L3MBTL2: variants seen among roughly 807,000 people sequenced by gnomAD.
The protein encoded by L3MBTL2 is L3MBTL histone methyl-lysine binding protein 2, also known as lethal(3)malignant brain tumor-like protein 2.
In L3MBTL2, 49 loss-of-function variants were observed where a neutral mutation model predicts 86.4. The observed-to-expected ratio is 0.57, with a 90% confidence interval of 0.45 to 0.72. L3MBTL2 has a LOEUF of 0.72. L3MBTL2 is among the 30% of genes least tolerant of loss of function. The probability of loss-of-function intolerance (pLI) is 0.00; values close to 1 mark genes in which losing one functional copy is unlikely to be tolerated. For synonymous variants in L3MBTL2, 336 were observed against 350.6 expected (o/e 0.96, Z 0.47); for missense variants, 755 against 923.7 (o/e 0.82, Z 2.37).
chr22:41,225,788 C>T lies in L3MBTL2; in HGVS notation c.1357-6C>T. On this transcript the variant is annotated splice_polypyrimidine_tract_variant and splice_region_variant and intron_variant, in intron 11 of 16. Coordinates refer to ENST00000216237, the MANE Select transcript of L3MBTL2 (RefSeq NM_031488.5). This position sits in a 1 kb window ranked among gnomAD's most constrained non-coding sequence, Gnocchi z 4.1. Reference sequence around the variant, plus strand: ...GATCTGTCTGCCTGCTCCCCCCACCCCCCAGGTTCTCCTGGATGGATACCT... The same window carrying T: ...GATCTGTCTGCCTGCTCCCCCCACCTCCCAGGTTCTCCTGGATGGATACCT... The T allele has an allele frequency of 1.2e-6, 2 of 1,606,378 alleles. No individual in the cohort carries two copies. The highest frequency in any genetic ancestry group is 1.7e-6 in the Non-Finnish European group (2 of 1,174,124).
At chr22:41,212,565 C>T (rs989509041) in intron 2 of L3MBTL2, among the ~76,000 whole-genome samples, 1 of 151,854 alleles carries the variant, frequency 6.6e-6, no homozygotes, top group African/African-American at 2.4e-5. Flanking sequence ...GCCCGGCCAT[C>T]TCAGGCATTT....
chr22:41,224,573 G>A lies in L3MBTL2; in HGVS notation c.1175-152G>A. 1 of 639,320 alleles carries A rather than the reference G, an allele frequency of 1.6e-6. No homozygotes were observed. Among genetic ancestry groups the A allele is most frequent in the Non-Finnish European group, 2.8e-6 (1 of 356,656 alleles). 39.6% of individuals were successfully genotyped at this position (639,320 alleles called of 1,614,324 possible). A position where few individuals can be genotyped will look rare whatever the true frequency, so the allele number is the denominator to read the frequency against. On this transcript the variant is annotated intron_variant, in intron 9 of 16. Transcript: ENST00000216237. This position sits in a 1 kb window ranked among gnomAD's most constrained non-coding sequence, Gnocchi z 4.9. ...TTTTCTGGACTCAACCTTTCTGTCT[G>A]CTACTCTGGGGTGGGGGGTCCTGAG... is the stretch of plus-strand genomic sequence containing the variant.
chr22:41,228,718 CAG>C (rs2032364729), intron 15 of L3MBTL2, among the ~76,000 whole-genome samples: 1 of 152,054 alleles, frequency 6.6e-6, no homozygotes. Flanking sequence ...GGTGTGGTGG[CAG>C]GCGCCTGTAA....
At chr22:41,210,002 T>C in intron 2 of L3MBTL2, 69 bp downstream of exon 2, 2 of 1,574,584 alleles carry the variant, frequency 1.3e-6, no homozygotes, top group East Asian at 4.5e-5. Context: ...GGGGTGGATA[T>C]AGGCTATATG....
intron 8 of L3MBTL2, among the ~76,000 whole-genome samples, chr22:41,223,397 C>T (rs942321732): frequency 6.6e-6 from 1 of 152,236 alleles, no homozygotes; most frequent in African/African-American, 2.4e-5. Context: ...CCATGGCTCT[C>T]TGTAGAGCAG....
intron 8 of L3MBTL2, among the ~76,000 whole-genome samples, chr22:41,223,159 AGGACCCCTG>A (rs1345671995): frequency 6.6e-6 from 1 of 152,168 alleles, no homozygotes; most frequent in East Asian, 1.9e-4. Flanking sequence ...TGTCTGGTTT[AGGACCCCTG>A]TGTCAGCTTT....
In L3MBTL2 at chr22:41,217,241, C is replaced by T. The variant is rs774340377; in HGVS notation, c.600+39C>T. 28 of 1,531,838 alleles carry T rather than the reference C, an allele frequency of 1.8e-5. No individual in the cohort carries two copies. The Admixed American group carries it at 2.3e-4, about 13-fold the overall frequency. The allele number at this position is 1,531,838 out of a possible 1,614,324, so 94.9% of individuals were successfully genotyped here. A position where few individuals can be genotyped will look rare whatever the true frequency, so the allele number is the denominator to read the frequency against. The stretch of plus-strand genomic sequence containing the variant: ...AGCTGAGGGAGGGAGGCCGGGGAGC[C>T]GGGCCTGGAGCTGCTCCTCCACCTG... On this transcript the variant is annotated intron_variant, in intron 5 of 16. Coordinates refer to ENST00000216237, the MANE Select transcript of L3MBTL2 (RefSeq NM_031488.5).
intron 4 of L3MBTL2, 183 bp from the exon 5 acceptor site, chr22:41,216,940 T>C: frequency 3.5e-6 from 2 of 571,116 alleles, no homozygotes; most frequent in Non-Finnish European, 3.1e-6. Flanking sequence ...TCAACAGTGG[T>C]CCCTCATGGC....
At chr22:41,216,066 C>A in intron 3 of L3MBTL2, 73 bp from the exon 4 acceptor site, 1 of 1,517,694 alleles carries the variant, frequency 6.6e-7, no homozygotes, top group South Asian at 1.2e-5. Flanking sequence ...CCCAGGACTT[C>A]AACTTGGCGG....
chr22:41,216,615 G>T (rs1276389431), intron 4 of L3MBTL2, among the ~76,000 whole-genome samples: 1 of 152,202 alleles, frequency 6.6e-6, no homozygotes, highest in East Asian at 1.9e-4. Context: ...GGTGGGATAA[G>T]GAAAGGAGCC....
In L3MBTL2 at chr22:41,227,449, G is replaced by A; in HGVS notation, c.1822+126G>A. The A allele has an allele frequency of 1.7e-6, 2 of 1,202,786 alleles. No individual in the cohort carries two copies. 74.5% of individuals were successfully genotyped at this position (1,202,786 alleles called of 1,614,324 possible). A position where few individuals can be genotyped will look rare whatever the true frequency, so the allele number is the denominator to read the frequency against. ...GGAGATGTCTCATGGACCACTTTAAGTAGAGAGTGAGCCCCGTCACCCAGC... is the reference window on the plus strand; with the variant it reads ...GGAGATGTCTCATGGACCACTTTAAATAGAGAGTGAGCCCCGTCACCCAGC... On this transcript the variant is annotated intron_variant, in intron 14 of 16. Transcript: ENST00000216237. This position sits in a 1 kb window ranked among gnomAD's most constrained non-coding sequence, Gnocchi z 6.0.
At chr22:41,220,939 G>A in intron 7 of L3MBTL2, 71 bp downstream of exon 7, 3 of 1,528,306 alleles carry the variant, frequency 2.0e-6, no homozygotes, top group Non-Finnish European at 2.7e-6. Flanking sequence ...CTCTGCTTGT[G>A]TTAGGTAGAA....
At chr22:41,206,780 C>T (rs550914458) in intron 1 of L3MBTL2, among the ~76,000 whole-genome samples, 2 of 151,388 alleles carry the variant, frequency 1.3e-5, no homozygotes, top group African/African-American at 4.9e-5. Context: ...GCACTCCAGC[C>T]TGGACGACAG....
At chr22:41,217,304 G>A in intron 5 of L3MBTL2, 102 bp downstream of exon 5, 2 of 817,838 alleles carry the variant, frequency 2.4e-6, no homozygotes, top group South Asian at 1.4e-5. Context: ...AGTGACAGTG[G>A]GGAGGTCTGG....
chr22:41,224,313 C>A lies in L3MBTL2; in HGVS notation c.1174+62C>A. 7.5e-7 allele frequency: 1 copy of A among 1,337,018 alleles called. No homozygotes were observed. The highest frequency in any genetic ancestry group is 1.1e-6 in the Non-Finnish European group (1 of 948,870). 82.8% of individuals were successfully genotyped at this position (1,337,018 alleles called of 1,614,324 possible). ...TGCTTCCCCAGGGACGGAGTGGGAG[C>A]ACCTTCCTACTCGTCACAGCAGGTC... On this transcript the variant is annotated intron_variant, in intron 9 of 16. Transcript: ENST00000216237. This position sits in a 1 kb window ranked among gnomAD's most constrained non-coding sequence, Gnocchi z 4.9.
intron 1 of L3MBTL2, among the ~76,000 whole-genome samples, chr22:41,207,986 C>G (rs9680588): frequency 0.027 from 4,078 of 152,202 alleles, 197 homozygotes; most frequent in African/African-American, 0.094. Context: ...CACCCACCAT[C>G]ATGCCCAGCT....
intron 16 of L3MBTL2, 174 bp downstream of exon 16, chr22:41,229,830 C>A (rs1820110063): frequency 9.1e-7 from 1 of 1,103,600 alleles, no homozygotes; most frequent in South Asian, 1.3e-5. Flanking sequence ...ACGCCCCCAA[C>A]TGTGAATGGA....
chr22:41,205,329 T>C lies in L3MBTL2; in HGVS notation c.-34T>C. ...GACGGGGCAGGCCAATATGGCTTCC[T>C]GCACCTGGTGACGCTTGGCGAAACT... On this transcript the variant is annotated 5_prime_UTR_variant, in exon 1 of 17. Coordinates refer to ENST00000216237, the MANE Select transcript of L3MBTL2 (RefSeq NM_031488.5). 3 of 1,614,062 alleles carry C rather than the reference T, an allele frequency of 1.9e-6. No homozygotes were observed. Among genetic ancestry groups the C allele is most frequent in the Non-Finnish European group, 2.5e-6 (3 of 1,179,946 alleles).
At chr22:41,213,023 C>T (rs1249119268) in intron 2 of L3MBTL2, among the ~76,000 whole-genome samples, 1 of 152,084 alleles carries the variant, frequency 6.6e-6, no homozygotes, top group African/African-American at 2.4e-5. Context: ...TGAGACCATC[C>T]TGGCTAACAT....
Sources: gnomAD v4.1 joint callset for allele counts (sites outside exome capture counted in the v4.1 genomes callset) on GRCh38, gnomAD v4.1.1 for gene constraint, Gnocchi (gnomAD v3.1) non-coding constraint, MANE v1.5 for transcripts, NCBI Gene and HGNC (gene_info 2026-07-23, HGNC 2026-07-21) for gene names.